Variants in TTC39A observed in about 807,000 individuals in gnomAD.
TTC39A encodes the protein tetratricopeptide repeat protein 39A.
TTC39A carries 46 observed loss-of-function variants against 82.3 expected under a neutral mutation model. The ratio of observed to expected loss-of-function variants is 0.56; its 90% CI spans 0.44 to 0.71. TTC39A has a LOEUF of 0.71. Ranked by LOEUF, TTC39A falls within the 30% of genes least tolerant of loss-of-function variation. TTC39A has a pLI of 0.00. For missense variants in TTC39A, 543 were observed against 712.9 expected (o/e 0.76, Z 2.71); for synonymous variants, 254 against 275.2 (o/e 0.92, Z 0.76).
intron 13 of TTC39A, 125 bp downstream of exon 13, chr1:51,295,954 G>C (rs1440026925): frequency 4.8e-6 from 5 of 1,042,200 alleles, no homozygotes; most frequent in Non-Finnish European, 7.2e-6. Flanking sequence ...CCGCGGGTGG[G>C]GGCAGGGAGC....
intron 4 of TTC39A, 26 bp downstream of exon 4, chr1:51,312,093 T>C (rs1407997990): frequency 1.9e-6 from 3 of 1,604,350 alleles, no homozygotes; most frequent in African/African-American, 2.7e-5. Flanking sequence ...CTTAGCATGG[T>C]TGAAAGGATG....
chr1:51,318,154 A>G (rs763604165), intron 2 of TTC39A, among the ~76,000 whole-genome samples: 23 of 152,148 alleles, frequency 1.5e-4, no homozygotes, highest in Non-Finnish European at 2.9e-4. Flanking sequence ...GTGGGTGAGG[A>G]GAAAGGTGCC....
chr1:51,288,084 G>A lies in TTC39A; in HGVS notation c.*73C>T. ...CAAAGGCAGGGCAGGGCAGGGGGAG[G>A]GGGTATTTTGAAATGTTTTCAGGAG... On this transcript the variant is annotated 3_prime_UTR_variant, in exon 18 of 18. Transcript: ENST00000680483. The surrounding 1 kb of genome is among the most constrained non-coding windows in gnomAD (Gnocchi z 4.8). 5.0e-6 allele frequency: 8 copies of A among 1,586,152 alleles called. No homozygotes were observed. Among genetic ancestry groups the A allele is most frequent in the Non-Finnish European group, 6.9e-6 (8 of 1,163,816 alleles).
chr1:51,306,090 C>T lies in TTC39A; in HGVS notation c.489-14G>A, dbSNP rs566460549. 1 of 1,611,206 alleles carries T rather than the reference C, an allele frequency of 6.2e-7. No homozygotes were observed. The highest frequency in any genetic ancestry group is 1.7e-5 in the Admixed American group (1 of 59,944). On this transcript the variant is annotated splice_polypyrimidine_tract_variant and intron_variant, in intron 6 of 17. Coordinates refer to ENST00000680483, the MANE Select transcript of TTC39A (RefSeq NM_001297663.2). ...CTGTCCAGCTCCCTGCAGAGAGATGCCAAGTCCTGTTTCAGCCACTGCTGG... is the reference window on the plus strand; with the variant it reads ...CTGTCCAGCTCCCTGCAGAGAGATGTCAAGTCCTGTTTCAGCCACTGCTGG...
At chr1:51,313,050 GA>G (rs1645144501) in intron 2 of TTC39A, 107 bp from the exon 3 acceptor site, 1 of 1,471,396 alleles carries the variant, frequency 6.8e-7, no homozygotes, top group Admixed American at 2.0e-5. Context: ...GAGGTGAGGG[GA>G]CCAGAGGTCC....
chr1:51,301,763 G>A, intron 11 of TTC39A, 30 bp from the exon 12 acceptor site: 1 of 1,590,536 alleles, frequency 6.3e-7, no homozygotes, highest in Non-Finnish European at 8.6e-7. Flanking sequence ...AGCCTGACGG[G>A]TGCCCACCCA....
intron 12 of TTC39A, 145 bp from the exon 13 acceptor site, chr1:51,296,315 G>T (rs1476170201): frequency 2.7e-5 from 20 of 739,540 alleles, no homozygotes; most frequent in Non-Finnish European, 4.3e-5. Context: ...GTAAGAAGCT[G>T]AAGCAACTTG....
chr1:51,335,133 C>T (rs919417717), upstream of TTC39A: 1 of 152,364 alleles, frequency 6.6e-6, no homozygotes, highest in Non-Finnish European at 1.5e-5. Flanking sequence ...AGATGCCAGG[C>T]CTGCTTTCCT....
At chr1:51,305,371 C>G (rs1644831048) in intron 7 of TTC39A, among the ~76,000 whole-genome samples, 1 of 152,148 alleles carries the variant, frequency 6.6e-6, no homozygotes, top group African/African-American at 2.4e-5. Context: ...CCAGGAAACC[C>G]CTGGCCACCT....
chr1:51,345,089 C>A lies in TTC39A; in HGVS notation c.-46G>T, dbSNP rs1028719673. On this transcript the variant is annotated 5_prime_UTR_variant, in exon 1 of 6. Coordinates refer to the TTC39A transcript ENST00000401051. ...CGGGGCCGCGGGCGGCCCCTCGCGG[C>A]GGCGGCGGCGGCCGTGGAGGCTACA... 5.5e-6 allele frequency: 7 copies of A among 1,279,650 alleles called. No homozygotes were observed. In the African/African-American group the frequency reaches 7.8e-5, roughly 14 times the overall value. 79.3% of individuals were successfully genotyped at this position (1,279,650 alleles called of 1,614,324 possible). A position where few individuals can be genotyped will look rare whatever the true frequency, so the allele number is the denominator to read the frequency against.
chr1:51,330,292 G>T lies in TTC39A; in HGVS notation c.41+145C>A. On this transcript the variant is annotated intron_variant, in intron 1 of 17. Coordinates refer to ENST00000680483, the MANE Select transcript of TTC39A (RefSeq NM_001297663.2). The surrounding 1 kb of genome is among the most constrained non-coding windows in gnomAD (Gnocchi z 4.5). ...CCCACTCCTGGCAGCGGCGGCGGCT[G>T]CCAGGGGCCGGGCGGGGTGGGGGCT... The T allele has an allele frequency of 1.1e-6, 1 of 941,574 alleles. No homozygotes were observed. The highest frequency in any genetic ancestry group is 1.3e-6 in the Non-Finnish European group (1 of 790,550). The allele number at this position is 941,574 out of a possible 1,614,324, so 58.3% of individuals were successfully genotyped here. A position where few individuals can be genotyped will look rare whatever the true frequency, so the allele number is the denominator to read the frequency against.
At chr1:51,309,516 C>A in intron 5 of TTC39A, 191 bp from the exon 6 acceptor site, 1 of 1,360,568 alleles carries the variant, frequency 7.3e-7, no homozygotes, top group Non-Finnish European at 9.7e-7. Flanking sequence ...AGGGTTGGAC[C>A]AGCCTCCCAG....
intron 6 of TTC39A, among the ~76,000 whole-genome samples, chr1:51,306,399 G>T (rs1345950898): frequency 6.6e-6 from 1 of 152,168 alleles, no homozygotes; most frequent in East Asian, 1.9e-4. Context: ...ATAATTCTTT[G>T]TTGGTGGGGG....
intron 1 of TTC39A, chr1:51,343,070 G>A (rs1022628687): frequency 1.8e-5 from 8 of 456,172 alleles, no homozygotes; most frequent in Non-Finnish European, 3.1e-5. Flanking sequence ...CTCCCAGGCA[G>A]GGAAGGTCCT....
At chr1:51,326,421 G>A (rs752711060) in intron 1 of TTC39A, among the ~76,000 whole-genome samples, 1 of 152,170 alleles carries the variant, frequency 6.6e-6, no homozygotes, top group Non-Finnish European at 1.5e-5. Context: ...GAAGACAGAG[G>A]CTCTGCAAGG....
At chr1:51,312,391 AC>A (rs1645118529) in intron 3 of TTC39A, among the ~76,000 whole-genome samples, 196 bp from the exon 4 acceptor site, 2 of 152,204 alleles carry the variant, frequency 1.3e-5, no homozygotes, top group South Asian at 4.1e-4. Flanking sequence ...CAGTGCCTTC[AC>A]TGGTCAAATG....
chr1:51,295,284 G>A (rs963227932), intron 13 of TTC39A, among the ~76,000 whole-genome samples: 3 of 152,200 alleles, frequency 2.0e-5, no homozygotes, highest in East Asian at 3.8e-4. Context: ...GGAGTCTGCT[G>A]TAGTAGCAGA....
At chr1:51,329,843 T>C (rs1645839747) in intron 1 of TTC39A, 1 of 152,206 alleles carries the variant, frequency 6.6e-6, no homozygotes. Context: ...CAGTGGGATG[T>C]GGGTAGGGTT....
chr1:51,335,447 GCTA>G, upstream of TTC39A: 1 of 150,362 alleles, frequency 6.7e-6, no homozygotes, highest in South Asian at 2.1e-4. Flanking sequence ...TGTAATCCCA[GCTA>G]CTCAGGAGGC....
Sources: gnomAD v4.1 joint callset for allele counts (sites outside exome capture counted in the v4.1 genomes callset) on GRCh38, gnomAD v4.1.1 for gene constraint, Gnocchi (gnomAD v3.1) non-coding constraint, MANE v1.5 for transcripts, NCBI Gene and HGNC (gene_info 2026-07-23, HGNC 2026-07-21) for gene names.